Variants in SGMS1 observed in about 807,000 individuals in gnomAD.
SGMS1 encodes the protein sphingomyelin synthase 1.
Under a neutral mutation model 46.2 loss-of-function variants are expected in SGMS1, and 13 were observed. The observed-to-expected ratio is 0.28, with a 90% CI of 0.18 to 0.45. SGMS1 has a LOEUF of 0.45. SGMS1 is among the 20% of genes least tolerant of loss of function. The pLI is 1.00. For missense variants in SGMS1, 324 were observed against 519.9 expected (o/e 0.62, Z 3.66); for synonymous variants, 203 against 187.8 (o/e 1.08, Z -0.66).
At chr10:50,445,475 G>A (rs1399189225) in intron 5 of SGMS1, among the ~76,000 whole-genome samples, 1 of 152,110 alleles carries the variant, frequency 6.6e-6, no homozygotes, top group Admixed American at 6.5e-5. Flanking sequence ...AAATTATGAA[G>A]ATTTCATGGA....
chr10:50,490,808 TA>T (rs1188785620), intron 3 of SGMS1, among the ~76,000 whole-genome samples: 2 of 152,186 alleles, frequency 1.3e-5, no homozygotes, highest in East Asian at 3.8e-4. Flanking sequence ...TAGCTATTAT[TA>T]ATATCAGTGT....
chr10:50,557,905 TAGG>T (rs1214521764), intron 2 of SGMS1, among the ~76,000 whole-genome samples: 1 of 152,160 alleles, frequency 6.6e-6, no homozygotes, highest in African/African-American at 2.4e-5. Flanking sequence ...GAAATAAAGA[TAGG>T]AGGAGAAGGA....
chr10:50,425,845 G>T (rs1011767328), intron 6 of SGMS1, among the ~76,000 whole-genome samples: 2 of 152,170 alleles, frequency 1.3e-5, no homozygotes, highest in Non-Finnish European at 2.9e-5. Context: ...TTAATCTGAG[G>T]TGTGCAAGTT....
chr10:50,560,071 A>T (rs12413362), intron 2 of SGMS1, among the ~76,000 whole-genome samples: 31,095 of 141,692 alleles, frequency 0.22, 4,038 homozygotes, highest in East Asian at 0.65. Flanking sequence ...ATAATATAAT[A>T]TATAGACATA....
chr10:50,391,342 T>A (rs1848763147), intron 6 of SGMS1, among the ~76,000 whole-genome samples: 1 of 152,176 alleles, frequency 6.6e-6, no homozygotes, highest in African/African-American at 2.4e-5. Context: ...TTGAACATGA[T>A]AACTTACATG....
chr10:50,485,185 A>T (rs1564925972), intron 3 of SGMS1, among the ~76,000 whole-genome samples: 2 of 152,234 alleles, frequency 1.3e-5, no homozygotes, highest in Non-Finnish European at 2.9e-5. Context: ...GCTGATAAGC[A>T]ACTTCAGCAA....
At chr10:50,541,761 G>A (rs1033285615) in intron 2 of SGMS1, among the ~76,000 whole-genome samples, 8 of 152,154 alleles carry the variant, frequency 5.3e-5, no homozygotes, top group African/African-American at 1.7e-4. Context: ...AGAGAACCAG[G>A]GTGGAGCCTC....
intron 2 of SGMS1, among the ~76,000 whole-genome samples, chr10:50,587,633 A>ATGTGTG (rs35240090): frequency 0.057 from 7,876 of 137,562 alleles, 311 homozygotes; most frequent in Non-Finnish European, 0.073. Flanking sequence ...CAAAATATAT[A>ATGTGTG]TGTGTGTGTG....
At chr10:50,465,409 A>G (rs911886057) in intron 4 of SGMS1, among the ~76,000 whole-genome samples, 4 of 152,052 alleles carry the variant, frequency 2.6e-5, no homozygotes, top group Non-Finnish European at 5.9e-5. Flanking sequence ...AAACAGCAAA[A>G]TAATTCAATT....
chr10:50,617,331 T>C (rs906054131), intron 1 of SGMS1, among the ~76,000 whole-genome samples: 4 of 152,212 alleles, frequency 2.6e-5, no homozygotes, highest in Admixed American at 2.0e-4. Flanking sequence ...AATGGTACTA[T>C]ACTGTATGGT....
intron 3 of SGMS1, among the ~76,000 whole-genome samples, chr10:50,489,080 G>A (rs1837546759): frequency 6.6e-6 from 1 of 152,218 alleles, no homozygotes; most frequent in Non-Finnish European, 1.5e-5. Flanking sequence ...GAGACTGGAA[G>A]TGTCAGACAA....
chr10:50,386,641 C>T (rs1345929763), intron 6 of SGMS1, among the ~76,000 whole-genome samples: 2 of 152,124 alleles, frequency 1.3e-5, no homozygotes, highest in Admixed American at 6.6e-5. Context: ...ACCACAGGCC[C>T]AGGTGACGTC....
At chr10:50,591,233 A>T (rs1387501072) in intron 1 of SGMS1, among the ~76,000 whole-genome samples, 1 of 152,210 alleles carries the variant, frequency 6.6e-6, no homozygotes, top group Non-Finnish European at 1.5e-5. Context: ...TAAGCGTCAG[A>T]GATGATATCT....
chr10:50,444,476 C>A (rs1836983005), intron 5 of SGMS1, among the ~76,000 whole-genome samples: 1 of 152,082 alleles, frequency 6.6e-6, no homozygotes. Context: ...GATTTTCTGA[C>A]CAAGATGTCA....
intron 5 of SGMS1, among the ~76,000 whole-genome samples, chr10:50,444,094 T>G (rs1413697820): frequency 2.6e-5 from 4 of 152,070 alleles, no homozygotes; most frequent in Non-Finnish European, 4.4e-5. Flanking sequence ...ATAAGACATA[T>G]AGGAAACAAG....
chr10:50,363,925 A>T (rs1369003071), intron 6 of SGMS1, among the ~76,000 whole-genome samples: 1 of 152,134 alleles, frequency 6.6e-6, no homozygotes, highest in Non-Finnish European at 1.5e-5. Context: ...AAAAACAAAC[A>T]AACTAAAAGA....
At chr10:50,601,503 C>T (rs1838649697) in intron 1 of SGMS1, among the ~76,000 whole-genome samples, 1 of 152,234 alleles carries the variant, frequency 6.6e-6, no homozygotes, top group Admixed American at 6.5e-5. Context: ...CCCACTTCCA[C>T]ATTCTTAACC....
In SGMS1 at chr10:50,577,181, C is replaced by T. The variant is rs572771142; in HGVS notation, c.-589+12972G>A. On this transcript the variant is annotated intron_variant, in intron 2 of 10. Transcript: ENST00000361781. ...TGCTTGGGCTGGAGCTTTAAAAGTG[C>T]ACTTGTGGCAGAGGCAACAACTGTG... Among the ~76,000 whole-genome samples, 5 of 152,270 alleles carry T rather than the reference C, an allele frequency of 3.3e-5. No individual in the cohort carries two copies. The East Asian group carries it at 9.6e-4, about 29-fold the overall frequency.
intron 2 of SGMS1, among the ~76,000 whole-genome samples, chr10:50,564,551 G>A (rs983599766): frequency 6.6e-6 from 1 of 152,170 alleles, no homozygotes. Flanking sequence ...CATACACCCC[G>A]TAGCAAAGTC....
Sources: allele counts gnomAD v4.1 joint callset (sites outside exome capture counted in the v4.1 genomes callset), GRCh38; gene constraint gnomAD v4.1.1; transcripts MANE v1.5; gene names NCBI Gene and HGNC (gene_info 2026-07-23, HGNC 2026-07-21).